SAMD5: variants seen among roughly 807,000 people sequenced by gnomAD.
The protein encoded by SAMD5 is sterile alpha motif domain containing 5.
Under a neutral mutation model 11.3 loss-of-function variants are expected in SAMD5, and 13 were observed. The ratio of observed to expected loss-of-function variants is 1.15; its 90% confidence interval spans 0.75 to 1.83. The LOEUF (loss-of-function observed/expected upper bound fraction) is 1.83. Among genes scored for constraint, SAMD5 ranks in the 40% most tolerant of loss-of-function variants. SAMD5 has a pLI of 0.00. For missense variants in SAMD5, 255 were observed against 239.1 expected (o/e 1.07, Z -0.44); for synonymous variants, 129 against 111.3 (o/e 1.16, Z -1.00).
chr6:147,836,462 C>T, the SAMD5 span, among the ~76,000 whole-genome samples: 1 of 152,152 alleles, frequency 6.6e-6, no homozygotes, highest in African/African-American at 2.4e-5. Flanking sequence ...TACCAAACAT[C>T]GCAGCTTATC....
At chr6:147,544,489 T>G (rs574659523) in intron 1 of SAMD5, among the ~76,000 whole-genome samples, 1 of 152,344 alleles carries the variant, frequency 6.6e-6, no homozygotes, top group East Asian at 1.9e-4. Context: ...AATGGCTTGG[T>G]GGATTATCCT....
At chr6:147,649,386 A>G (rs956975968) in intron 1 of SAMD5, among the ~76,000 whole-genome samples, 1 of 152,212 alleles carries the variant, frequency 6.6e-6, no homozygotes, top group Non-Finnish European at 1.5e-5. Context: ...ATAAAACCAA[A>G]TATTCTAGAA....
At chr6:147,928,736 T>G in the SAMD5 span, among the ~76,000 whole-genome samples, 1 of 152,106 alleles carries the variant, frequency 6.6e-6, no homozygotes, top group Non-Finnish European at 1.5e-5. Context: ...CTTCTCTAAT[T>G]CTTTCAGTTG....
At position 147,567,030 on chromosome 6, in the gene SAMD5, T is replaced by G; in HGVS notation, c.*2574T>G. The stretch of plus-strand genomic sequence containing the variant: ...AACTAGGGGATTATCTTGATTTACA[T>G]TTCCTAGAGTATTAAAAGAGATTAA... On this transcript the variant is annotated 3_prime_UTR_variant, in exon 2 of 2. Coordinates refer to ENST00000367474, the MANE Select transcript of SAMD5 (RefSeq NM_001030060.3). 1 of 906,562 alleles carries G rather than the reference T, an allele frequency of 1.1e-6. No individual in the cohort carries two copies. The highest frequency in any genetic ancestry group is 1.3e-6 in the Non-Finnish European group (1 of 758,320). The allele number at this position is 906,562 out of a possible 1,614,324, so 56.2% of individuals were successfully genotyped here.
At chr6:147,926,927 T>A in the SAMD5 span, among the ~76,000 whole-genome samples, 1 of 151,972 alleles carries the variant, frequency 6.6e-6, no homozygotes, top group African/African-American at 2.4e-5. Context: ...TATTGAACAG[T>A]GCTGTAGCCA....
the SAMD5 span, among the ~76,000 whole-genome samples, chr6:147,777,318 T>A: frequency 6.6e-6 from 1 of 152,166 alleles, no homozygotes; most frequent in African/African-American, 2.4e-5. Flanking sequence ...ATTATGTTAA[T>A]AATATAAGGG....
At chr6:147,739,222 C>T (rs557614539), downstream of SAMD5, among the ~76,000 whole-genome samples, 3 of 152,286 alleles carry the variant, frequency 2.0e-5, no homozygotes, top group East Asian at 1.9e-4. Flanking sequence ...AGTGACTCTG[C>T]GCTACTAAAG....
chr6:147,934,033 A>G, the SAMD5 span, among the ~76,000 whole-genome samples: 2 of 152,164 alleles, frequency 1.3e-5, no homozygotes, highest in African/African-American at 4.8e-5. Flanking sequence ...CTTTCCCCCC[A>G]TAAAATATAT....
the SAMD5 span, among the ~76,000 whole-genome samples, chr6:147,873,877 G>A: frequency 6.6e-6 from 1 of 152,046 alleles, no homozygotes; most frequent in African/African-American, 2.4e-5. Context: ...GGAAAGTTAG[G>A]AAGTATTTTA....
At chr6:147,869,797 A>C in the SAMD5 span, among the ~76,000 whole-genome samples, 1 of 152,082 alleles carries the variant, frequency 6.6e-6, no homozygotes, top group Admixed American at 6.6e-5. Flanking sequence ...TCCCAGGCTC[A>C]AGGGATCTTC....
chr6:147,914,616 A>T, the SAMD5 span, among the ~76,000 whole-genome samples: 1 of 152,198 alleles, frequency 6.6e-6, no homozygotes, highest in African/African-American at 2.4e-5. Flanking sequence ...TCAGGCAAAA[A>T]TCATCAAGCA....
At chr6:147,832,315 A>G in the SAMD5 span, among the ~76,000 whole-genome samples, 2 of 152,276 alleles carry the variant, frequency 1.3e-5, no homozygotes, top group South Asian at 2.1e-4. Flanking sequence ...TTTTTCTCAT[A>G]CTGTTATCTA....
At chr6:147,805,329 T>C in the SAMD5 span, among the ~76,000 whole-genome samples, 7 of 152,144 alleles carry the variant, frequency 4.6e-5, no homozygotes, top group Non-Finnish European at 5.9e-5. Context: ...ATATTGACAG[T>C]GGGTGTCTTT....
At chr6:147,695,718 A>T (rs1267863769) in intron 1 of SAMD5, among the ~76,000 whole-genome samples, 1 of 152,198 alleles carries the variant, frequency 6.6e-6, no homozygotes, top group African/African-American at 2.4e-5. Flanking sequence ...AACCCAGGAA[A>T]TTTAAAGCTA....
chr6:147,728,656 A>G (rs570376113), intron 1 of SAMD5, among the ~76,000 whole-genome samples: 1 of 152,330 alleles, frequency 6.6e-6, no homozygotes, highest in East Asian at 1.9e-4. Flanking sequence ...GAAAGAAAAG[A>G]AAGCAATAGA....
At chr6:147,944,085 A>G in the SAMD5 span, among the ~76,000 whole-genome samples, 266 of 152,098 alleles carry the variant, frequency 1.7e-3, 3 homozygotes, top group African/African-American at 6.3e-3. Context: ...TCTTCCATAG[A>G]CTGTGATTGA....
chr6:147,799,343 G>C, the SAMD5 span, among the ~76,000 whole-genome samples: 1 of 152,060 alleles, frequency 6.6e-6, no homozygotes, highest in African/African-American at 2.4e-5. Context: ...AGTTTGGCTG[G>C]ATATGAAATT....
the SAMD5 span, among the ~76,000 whole-genome samples, chr6:147,938,253 CA>C: frequency 1.6e-5 from 2 of 129,006 alleles, no homozygotes; most frequent in Non-Finnish European, 3.3e-5. Flanking sequence ...TGGAGGGAAA[CA>C]TTTTTTTTGT....
Position 147,679,253 on chromosome 6 carries a change from A to C in SAMD5, c.163-58064A>C, listed in dbSNP as rs540387923. Among the ~76,000 whole-genome samples, 12 of 152,288 alleles carry C rather than the reference A, an allele frequency of 7.9e-5. No individual in the cohort carries two copies. The South Asian group carries it at 1.9e-3, about 24-fold the overall frequency. On this transcript the variant is annotated intron_variant, in intron 1 of 1. Coordinates refer to the SAMD5 transcript ENST00000566741. Reference sequence around the variant, plus strand: ...CTGGACTATTTTCCAAAGCAGTTGTATCATTTTGTATTCAGACTGCAGAGT... The same window carrying C: ...CTGGACTATTTTCCAAAGCAGTTGTCTCATTTTGTATTCAGACTGCAGAGT...
Sources: gnomAD v4.1 joint callset for allele counts (sites outside exome capture counted in the v4.1 genomes callset) on GRCh38, gnomAD v4.1.1 for gene constraint, MANE v1.5 for transcripts, NCBI Gene and HGNC (gene_info 2026-07-23, HGNC 2026-07-21) for gene names.